Variants in ADGRL3 observed in about 807,000 individuals in gnomAD.
The protein encoded by ADGRL3 is adhesion G protein-coupled receptor L3.
ADGRL3 carries 62 observed loss-of-function variants against 153.5 expected under a neutral mutation model. The ratio of observed to expected loss-of-function variants is 0.40; its 90% CI spans 0.33 to 0.50. The LOEUF is 0.50. Among genes scored for constraint, ADGRL3 ranks in the 20% least tolerant of loss-of-function variants. ADGRL3 has a pLI of 0.47. For missense variants in ADGRL3, 1,641 were observed against 1,859.4 expected, an observed-to-expected ratio of 0.88 and a Z score of 2.16; for synonymous variants, 710 against 672.5, an observed-to-expected ratio of 1.06 and a Z score of -0.86.
chr4:61,954,957 G>A (rs1246014215), intron 17 of ADGRL3, among the ~76,000 whole-genome samples: 1 of 152,162 alleles, frequency 6.6e-6, no homozygotes, highest in Non-Finnish European at 1.5e-5. Flanking sequence ...GGTGCTCAGA[G>A]AGATTTCAGC....
chr4:61,424,254 G>C (rs1195781425), intron 2 of ADGRL3, among the ~76,000 whole-genome samples: 6 of 152,084 alleles, frequency 3.9e-5, no homozygotes, highest in Admixed American at 3.9e-4. Flanking sequence ...ATGGGATTGT[G>C]CACCTGCGCT....
chr4:61,279,794 A>G (rs1199973313), intron 1 of ADGRL3, among the ~76,000 whole-genome samples: 1 of 152,126 alleles, frequency 6.6e-6, no homozygotes, highest in Non-Finnish European at 1.5e-5. Context: ...ACTTGGATTC[A>G]GGAAATTGAT....
intron 23 of ADGRL3, 77 bp downstream of exon 23, chr4:62,031,687 A>G: frequency 1.0e-6 from 1 of 965,862 alleles, no homozygotes; most frequent in Non-Finnish European, 1.5e-6. Flanking sequence ...ATATTCTAAT[A>G]TATTATTCTT....
chr4:61,223,616 A>G (rs1379257883), intron 1 of ADGRL3, among the ~76,000 whole-genome samples: 1 of 152,216 alleles, frequency 6.6e-6, no homozygotes, highest in African/African-American at 2.4e-5. Context: ...CTATGGGGTA[A>G]CAACCTATAT....
chr4:61,206,630 A>G (rs1300652803), intron 1 of ADGRL3, among the ~76,000 whole-genome samples: 2 of 152,208 alleles, frequency 1.3e-5, no homozygotes, highest in Non-Finnish European at 2.9e-5. Flanking sequence ...CTCAAGTTTT[A>G]GAATTTTCCC....
intron 8 of ADGRL3, among the ~76,000 whole-genome samples, chr4:61,766,193 G>C (rs1292228847): frequency 6.6e-6 from 1 of 152,080 alleles, no homozygotes; most frequent in Non-Finnish European, 1.5e-5. Flanking sequence ...GTCTGGGCCA[G>C]GAACAACGGT....
At chr4:61,341,426 C>G (rs1218664937) in intron 1 of ADGRL3, among the ~76,000 whole-genome samples, 1 of 151,674 alleles carries the variant, frequency 6.6e-6, no homozygotes. Flanking sequence ...CCTAACTTCA[C>G]TGCCCACAGC....
At chr4:61,374,302 C>G (rs1384143134) in intron 1 of ADGRL3, among the ~76,000 whole-genome samples, 1 of 152,162 alleles carries the variant, frequency 6.6e-6, no homozygotes, top group African/African-American at 2.4e-5. Context: ...TGTCAATACT[C>G]TGCTTTTGCT....
chr4:61,780,483 T>C (rs994389395), intron 8 of ADGRL3, among the ~76,000 whole-genome samples: 6 of 152,214 alleles, frequency 3.9e-5, no homozygotes, highest in Admixed American at 1.3e-4. Context: ...TAGGCTTCTA[T>C]TCTCACCATG....
At position 61,484,546 on chromosome 4, in the gene ADGRL3, T is replaced by C. The variant is rs1345983804; in HGVS notation, c.-173-12575T>C. On this transcript the variant is annotated intron_variant, in intron 2 of 26. Coordinates refer to ENST00000683033, the MANE Select transcript of ADGRL3 (RefSeq NM_001387552.1). ...TGGATTTTCCATCACAGTCAACTTGTGTTCCCTTACTTTATTTCCAGCTGG... is the reference window on the plus strand; with the variant it reads ...TGGATTTTCCATCACAGTCAACTTGCGTTCCCTTACTTTATTTCCAGCTGG... Among the ~76,000 whole-genome samples the C allele has an allele frequency of 2.0e-5, 3 of 152,198 alleles. No homozygotes were observed. The East Asian group carries it at 5.8e-4, about 29-fold the overall frequency.
At chr4:62,030,359 C>T (rs1721335631) in intron 22 of ADGRL3, among the ~76,000 whole-genome samples, 1 of 151,414 alleles carries the variant, frequency 6.6e-6, no homozygotes, top group African/African-American at 2.4e-5. Context: ...TGAATTTACC[C>T]TATTCAAGGA....
chr4:61,805,343 T>C (rs1366077419), intron 8 of ADGRL3, among the ~76,000 whole-genome samples: 2 of 152,164 alleles, frequency 1.3e-5, no homozygotes, highest in African/African-American at 2.4e-5. Context: ...TACCACATTA[T>C]GTTTTTCTTA....
At chr4:61,356,981 TA>T (rs2096185208) in intron 1 of ADGRL3, among the ~76,000 whole-genome samples, 17 of 152,212 alleles carry the variant, frequency 1.1e-4, no homozygotes, top group African/African-American at 7.2e-5. Flanking sequence ...TACAGTGCTT[TA>T]TTTTTTTTTT....
chr4:61,875,303 A>G (rs893160330), intron 9 of ADGRL3, among the ~76,000 whole-genome samples: 1 of 152,190 alleles, frequency 6.6e-6, no homozygotes, highest in Non-Finnish European at 1.5e-5. Flanking sequence ...CCAGTGGTAG[A>G]TGGAAATTCT....
intron 21 of ADGRL3, among the ~76,000 whole-genome samples, chr4:62,025,541 CT>C (rs1219355882): frequency 6.6e-6 from 1 of 152,118 alleles, no homozygotes; most frequent in African/African-American, 2.4e-5. Flanking sequence ...CAGGTTACTG[CT>C]GGCTCCTTTT....
chr4:61,227,460 C>A (rs902382592), intron 1 of ADGRL3, among the ~76,000 whole-genome samples: 2 of 152,130 alleles, frequency 1.3e-5, no homozygotes, highest in South Asian at 4.1e-4. Context: ...CCTTCCTCCT[C>A]GGCCTCCCAA....
chr4:61,469,595 G>T (rs2152674279), intron 2 of ADGRL3, among the ~76,000 whole-genome samples: 1 of 152,064 alleles, frequency 6.6e-6, no homozygotes, highest in South Asian at 2.1e-4. Flanking sequence ...ATTAAAATTT[G>T]CTTTTACACT....
chr4:61,641,415 T>A (rs1362267571), intron 5 of ADGRL3, among the ~76,000 whole-genome samples: 1 of 150,400 alleles, frequency 6.6e-6, no homozygotes, highest in Non-Finnish European at 1.5e-5. Context: ...TAGGTATATC[T>A]CCCAATGCTA....
chr4:61,500,027 AACAGAG>A (rs1292315551), intron 3 of ADGRL3, among the ~76,000 whole-genome samples: 4 of 65,498 alleles, frequency 6.1e-5, no homozygotes, highest in Admixed American at 4.2e-4. Flanking sequence ...CACACACAGA[AACAGAG>A]AGAGAGAGAG....
Sources: gnomAD v4.1 joint callset for allele counts (sites outside exome capture counted in the v4.1 genomes callset) on GRCh38, gnomAD v4.1.1 for gene constraint, MANE v1.5 for transcripts, NCBI Gene and HGNC (gene_info 2026-07-23, HGNC 2026-07-21) for gene names.